GNAQ: variants seen among roughly 807,000 people sequenced by gnomAD.
The protein encoded by GNAQ is G protein subunit alpha q, also known as guanine nucleotide-binding protein G(q) subunit alpha.
A neutral mutation model predicts 43.9 loss-of-function variants in GNAQ; 8 were observed. The ratio of observed to expected loss-of-function variants is 0.18; its 90% CI spans 0.11 to 0.33. The LOEUF (loss-of-function observed/expected upper bound fraction) is 0.33. GNAQ is among the 10% of genes least tolerant of loss of function. The pLI, the probability that GNAQ is intolerant of heterozygous loss-of-function variation, is 1.00. For synonymous variants in GNAQ, 155 were observed against 170.7 expected, an observed-to-expected ratio of 0.91 and a Z score of 0.71; for missense variants, 158 against 450.8, an observed-to-expected ratio of 0.35 and a Z score of 5.88.
chr9:77,971,669 T>A (rs1305054701), intron 1 of GNAQ, among the ~76,000 whole-genome samples: 10 of 152,182 alleles, frequency 6.6e-5, no homozygotes, highest in Non-Finnish European at 1.2e-4. Flanking sequence ...ACACCGCCAA[T>A]ATCATACTGA....
intron 1 of GNAQ, among the ~76,000 whole-genome samples, chr9:77,945,205 CTTCTT>C (rs1822871303): frequency 6.6e-6 from 1 of 152,144 alleles, no homozygotes; most frequent in Admixed American, 6.5e-5. Context: ...GGCTGATTTT[CTTCTT>C]TTAAGTGTTT....
chr9:77,861,146 T>C (rs1223188627), intron 2 of GNAQ, among the ~76,000 whole-genome samples: 1 of 152,156 alleles, frequency 6.6e-6, no homozygotes, highest in African/African-American at 2.4e-5. Flanking sequence ...CTTACATGGA[T>C]GGCAGCAGGC....
At chr9:77,826,899 C>G (rs990439941) in intron 2 of GNAQ, among the ~76,000 whole-genome samples, 1 of 152,102 alleles carries the variant, frequency 6.6e-6, no homozygotes, top group Admixed American at 6.5e-5. Flanking sequence ...TTTTTGTATT[C>G]AGTAAAACAA....
intron 1 of GNAQ, among the ~76,000 whole-genome samples, chr9:78,006,041 T>G (rs953979237): frequency 1.3e-5 from 2 of 152,206 alleles, no homozygotes; most frequent in African/African-American, 4.8e-5. Flanking sequence ...AGGCTTACTA[T>G]GTTAACTCTT....
At chr9:78,010,072 G>A (rs1296929022) in intron 1 of GNAQ, among the ~76,000 whole-genome samples, 5 of 152,156 alleles carry the variant, frequency 3.3e-5, no homozygotes, top group African/African-American at 2.4e-5. Flanking sequence ...ATGTCAGGGA[G>A]GAAAGACAGA....
chr9:77,991,719 G>A (rs559428168), intron 1 of GNAQ, among the ~76,000 whole-genome samples: 12 of 152,072 alleles, frequency 7.9e-5, no homozygotes, highest in Non-Finnish European at 1.6e-4. Context: ...CCTCACCCCC[G>A]TCCCATGCTT....
At chr9:77,809,757 T>C (rs1826889068) in intron 3 of GNAQ, among the ~76,000 whole-genome samples, 1 of 152,200 alleles carries the variant, frequency 6.6e-6, no homozygotes, top group Non-Finnish European at 1.5e-5. Context: ...TTACTTACTA[T>C]GATAGGCAAG....
At chr9:77,809,725 G>T (rs1334000214) in intron 3 of GNAQ, among the ~76,000 whole-genome samples, 3 of 152,114 alleles carry the variant, frequency 2.0e-5, no homozygotes, top group Non-Finnish European at 4.4e-5. Context: ...TATCATTGCT[G>T]CCTGTCCTTT....
At chr9:77,908,284 G>C (rs903443207) in intron 2 of GNAQ, among the ~76,000 whole-genome samples, 49 of 152,248 alleles carry the variant, frequency 3.2e-4, no homozygotes, top group Non-Finnish European at 5.1e-4. Context: ...AACCCCTTCA[G>C]AAGGGCCCCC....
intron 5 of GNAQ, among the ~76,000 whole-genome samples, chr9:77,760,740 G>A (rs533405114): frequency 1.4e-3 from 213 of 151,408 alleles, no homozygotes; most frequent in Non-Finnish European, 2.4e-3. Context: ...CTGCCCGGCC[G>A]CCATCCCATC....
intron 5 of GNAQ, among the ~76,000 whole-genome samples, chr9:77,751,837 C>G (rs1216281897): frequency 6.6e-6 from 1 of 152,034 alleles, no homozygotes; most frequent in African/African-American, 2.4e-5. Context: ...ACGAAAAAAA[C>G]AGGTCACTGA....
intron 5 of GNAQ, among the ~76,000 whole-genome samples, chr9:77,756,457 A>C (rs955830905): frequency 2.0e-5 from 3 of 152,216 alleles, no homozygotes; most frequent in African/African-American, 7.2e-5. Flanking sequence ...TAGCCAGAGA[A>C]ATGACTTCCA....
At chr9:78,028,686 T>G (rs1187378143) in intron 1 of GNAQ, among the ~76,000 whole-genome samples, 1 of 152,218 alleles carries the variant, frequency 6.6e-6, no homozygotes, top group Non-Finnish European at 1.5e-5. Context: ...CTCCTCTAGA[T>G]AGGTTTGTTT....
At chr9:77,747,894 A>C (rs138467843) in intron 5 of GNAQ, among the ~76,000 whole-genome samples, 1 of 152,196 alleles carries the variant, frequency 6.6e-6, no homozygotes, top group Non-Finnish European at 1.5e-5. Flanking sequence ...ATAAAGACTT[A>C]AGTTTGAATT....
At chr9:77,994,118 G>C (rs1464595828) in intron 1 of GNAQ, among the ~76,000 whole-genome samples, 1 of 152,330 alleles carries the variant, frequency 6.6e-6, no homozygotes, top group Middle Eastern at 3.4e-3. Context: ...CTGGGCTCAA[G>C]TGATCCTCCC....
intron 3 of GNAQ, among the ~76,000 whole-genome samples, chr9:77,802,295 C>G (rs1826756086): frequency 6.6e-6 from 1 of 152,144 alleles, no homozygotes; most frequent in Non-Finnish European, 1.5e-5. Flanking sequence ...TCACAGGACT[C>G]AGAGGAGGGA....
Position 77,937,102 on chromosome 9 carries a change from C to T in GNAQ, c.137-14757G>A, listed in dbSNP as rs1829243268. On this transcript the variant is annotated intron_variant, in intron 1 of 6. Transcript: ENST00000286548. ...AGGTAATTAATTTTTTTCTAAATAA[C>T]GGCTTTGTTGATATCACATATATAC... 2.0e-5 allele frequency among the ~76,000 whole-genome samples: 3 copies of T among 152,098 alleles called. No individual in the cohort carries two copies. The South Asian group carries it at 6.2e-4, about 31-fold the overall frequency.
intron 2 of GNAQ, among the ~76,000 whole-genome samples, chr9:77,910,972 C>G (rs75439831): frequency 0.058 from 8,880 of 152,254 alleles, 276 homozygotes; most frequent in African/African-American, 0.064. Context: ...TCACGGTCAA[C>G]AAGTGTTCAC....
rs565119628 is a variant in GNAQ, at chr9:77,813,395, G to A, written c.476+2221C>T. On this transcript the variant is annotated intron_variant, in intron 3 of 6. Transcript: ENST00000286548. ...TTCTATGGCAGACTAAGCCTGCACT[G>A]ACAGAACTCTAAGATAGCAGCTTTT... is the stretch of plus-strand genomic sequence containing the variant. Among the ~76,000 whole-genome samples, 11 of 152,286 alleles carry A rather than the reference G, an allele frequency of 7.2e-5. No individual in the cohort carries two copies. In the East Asian group the frequency reaches 2.1e-3, roughly 29 times the overall value.
Sources: allele counts gnomAD v4.1 joint callset (sites outside exome capture counted in the v4.1 genomes callset), GRCh38; gene constraint gnomAD v4.1.1; transcripts MANE v1.5; gene names NCBI Gene and HGNC (gene_info 2026-07-23, HGNC 2026-07-21).